The following GRID2 variants were observed in gnomAD, a reference collection of about 807,000 sequenced individuals.
The protein encoded by GRID2 is glutamate ionotropic receptor delta type subunit 2, also known as glutamate receptor ionotropic, delta-2.
In GRID2, 33 loss-of-function variants were observed where a neutral mutation model predicts 114.8. The ratio of observed to expected loss-of-function variants is 0.29; its 90% CI spans 0.22 to 0.38. The LOEUF (loss-of-function observed/expected upper bound fraction) is 0.38. Ranked by LOEUF, GRID2 falls within the 10% of genes least tolerant of loss-of-function variation. GRID2 has a pLI of 1.00. For synonymous variants in GRID2, 505 were observed against 449.9 expected, an observed-to-expected ratio of 1.12 and a Z score of -1.55; for missense variants, 1,184 against 1,257.7, an observed-to-expected ratio of 0.94 and a Z score of 0.89.
chr4:92,681,770 A>G lies in GRID2; in HGVS notation c.244+91484A>G, dbSNP rs538462179. Reference sequence around the variant, plus strand: ...TTTTTCTAAAAATTAAGTAACAGAAAAAGAGAAAAACAATAGAGTCATTGG... The same window carrying G: ...TTTTTCTAAAAATTAAGTAACAGAAGAAGAGAAAAACAATAGAGTCATTGG... On this transcript the variant is annotated intron_variant, in intron 2 of 15. Transcript: ENST00000282020. 3.1e-4 allele frequency among the ~76,000 whole-genome samples: 47 copies of G among 152,322 alleles called. 1 individual carries two copies. In the South Asian group the frequency reaches 9.1e-3, roughly 30 times the overall value.
At chr4:92,501,873 A>C (rs2149123757) in intron 1 of GRID2, among the ~76,000 whole-genome samples, 1 of 152,344 alleles carries the variant, frequency 6.6e-6, no homozygotes, top group Admixed American at 6.5e-5. Flanking sequence ...CAATAAAGAC[A>C]AAATCATCAG....
At chr4:93,236,900 CA>C (rs1385705255) in intron 7 of GRID2, among the ~76,000 whole-genome samples, 1 of 152,028 alleles carries the variant, frequency 6.6e-6, no homozygotes, top group East Asian at 1.9e-4. Context: ...AAAAATCCTT[CA>C]AAAATAAAGA....
intron 2 of GRID2, among the ~76,000 whole-genome samples, chr4:92,967,660 G>T (rs1450535698): frequency 2.6e-5 from 4 of 151,890 alleles, no homozygotes; most frequent in Non-Finnish European, 4.4e-5. Context: ...CAACTGTGAT[G>T]TATTTTAGTT....
chr4:93,350,378 A>G (rs1760684089), intron 8 of GRID2, among the ~76,000 whole-genome samples: 2 of 152,054 alleles, frequency 1.3e-5, no homozygotes, highest in Non-Finnish European at 1.5e-5. Context: ...TCTGTTGGCA[A>G]TATCCTTCCA....
chr4:93,415,036 CAT>C (rs1767568147), intron 9 of GRID2, among the ~76,000 whole-genome samples: 1 of 152,132 alleles, frequency 6.6e-6, no homozygotes, highest in South Asian at 2.1e-4. Context: ...AATGTCATAT[CAT>C]AAGTTTCAGT....
chr4:93,602,078 CGAGT>C (rs1318076314), intron 13 of GRID2, among the ~76,000 whole-genome samples: 2 of 152,126 alleles, frequency 1.3e-5, no homozygotes, highest in Non-Finnish European at 2.9e-5. Context: ...CCATGCTCAG[CGAGT>C]GATATTGCCA....
intron 14 of GRID2, among the ~76,000 whole-genome samples, chr4:93,746,745 T>C (rs1731871622): frequency 6.6e-6 from 1 of 152,112 alleles, no homozygotes; most frequent in Non-Finnish European, 1.5e-5. Context: ...GCATATTCTT[T>C]TAAGAGATTT....
intron 1 of GRID2, among the ~76,000 whole-genome samples, chr4:92,406,651 A>C: frequency 6.6e-6 from 1 of 151,716 alleles, no homozygotes; most frequent in East Asian, 1.9e-4. Flanking sequence ...CCTGTCACCC[A>C]GGATGTAAGC....
At chr4:92,889,305 T>C (rs573767849) in intron 2 of GRID2, among the ~76,000 whole-genome samples, 30 of 152,232 alleles carry the variant, frequency 2.0e-4, no homozygotes, top group Non-Finnish European at 3.5e-4. Flanking sequence ...GGTATTCAAA[T>C]AGGAAGAGAG....
intron 8 of GRID2, among the ~76,000 whole-genome samples, chr4:93,246,574 A>G (rs1748232381): frequency 6.7e-6 from 1 of 150,172 alleles, no homozygotes; most frequent in African/African-American, 2.5e-5. Context: ...GTGACAATGC[A>G]AGACTCCTTC....
At chr4:93,350,742 C>A (rs1760718056) in intron 8 of GRID2, among the ~76,000 whole-genome samples, 1 of 151,978 alleles carries the variant, frequency 6.6e-6, no homozygotes, top group Non-Finnish European at 1.5e-5. Flanking sequence ...AAGCATCATA[C>A]CTAGTAATCA....
Position 93,235,394 on chromosome 4 carries a change from A to G in GRID2, c.1126-2977A>G, listed in dbSNP as rs558701310. 4.6e-5 allele frequency among the ~76,000 whole-genome samples: 7 copies of G among 152,248 alleles called. No individual in the cohort carries two copies. The South Asian group carries it at 1.2e-3, about 27-fold the overall frequency. On this transcript the variant is annotated intron_variant, in intron 7 of 15. Coordinates refer to ENST00000282020, the MANE Select transcript of GRID2 (RefSeq NM_001510.4). ...CTGCTGCATCACCAAGAGATAAAAA[A>G]TACCACCATGCATGCACAAAAATAA...
intron 4 of GRID2, among the ~76,000 whole-genome samples, chr4:93,118,288 A>T (rs945413028): frequency 2.0e-4 from 30 of 152,124 alleles, no homozygotes; most frequent in African/African-American, 7.0e-4. Flanking sequence ...TACGTATTCA[A>T]TTCTTCATAT....
chr4:92,507,503 C>G (rs2149128652), intron 1 of GRID2, among the ~76,000 whole-genome samples: 1 of 151,766 alleles, frequency 6.6e-6, no homozygotes, highest in East Asian at 2.0e-4. Flanking sequence ...GGAATCCTCT[C>G]CCTTTCACTA....
chr4:92,466,298 CAG>C (rs1721748597), intron 1 of GRID2, among the ~76,000 whole-genome samples: 1 of 151,886 alleles, frequency 6.6e-6, no homozygotes, highest in Non-Finnish European at 1.5e-5. Context: ...AGTCATCCCA[CAG>C]TGGTAGATTT....
intron 8 of GRID2, among the ~76,000 whole-genome samples, chr4:93,294,583 G>A (rs1754094012): frequency 6.6e-6 from 1 of 152,278 alleles, no homozygotes; most frequent in Middle Eastern, 3.4e-3. Flanking sequence ...GTTTGTGACA[G>A]AGTCTCACTC....
At chr4:92,797,903 A>G (rs1739969856) in intron 2 of GRID2, among the ~76,000 whole-genome samples, 1 of 151,982 alleles carries the variant, frequency 6.6e-6, no homozygotes, top group Non-Finnish European at 1.5e-5. Context: ...TAAAGTAACA[A>G]TCAAATGTAA....
At chr4:92,836,821 A>C (rs1374305559) in intron 2 of GRID2, among the ~76,000 whole-genome samples, 1 of 152,190 alleles carries the variant, frequency 6.6e-6, no homozygotes, top group African/African-American at 2.4e-5. Flanking sequence ...ACTACAAAAT[A>C]GTCCCATAGT....
intron 14 of GRID2, among the ~76,000 whole-genome samples, chr4:93,708,578 T>C (rs1469911071): frequency 6.6e-6 from 1 of 152,052 alleles, no homozygotes; most frequent in Non-Finnish European, 1.5e-5. Flanking sequence ...GTGTGTTTCT[T>C]GTACATGAGA....
Sources: gnomAD v4.1 joint callset for allele counts (sites outside exome capture counted in the v4.1 genomes callset) on GRCh38, gnomAD v4.1.1 for gene constraint, MANE v1.5 for transcripts, NCBI Gene and HGNC (gene_info 2026-07-23, HGNC 2026-07-21) for gene names.